SPOPL: variants seen among roughly 807,000 people sequenced by gnomAD.
SPOPL encodes the protein speckle type BTB/POZ protein like.
In SPOPL, 23 loss-of-function variants were observed where a neutral mutation model predicts 53.8. That is an observed-to-expected ratio of 0.43 (90% confidence interval 0.31 to 0.61). The LOEUF (loss-of-function observed/expected upper bound fraction) is 0.61. Ranked by LOEUF, SPOPL falls within the 20% of genes least tolerant of loss-of-function variation. SPOPL has a pLI of 0.12. For missense variants in SPOPL, 442 were observed against 466.9 expected (o/e 0.95, Z 0.49); for synonymous variants, 164 against 149.7 (o/e 1.10, Z -0.70).
At chr2:138,533,768 A>C (rs1684869486) in intron 1 of SPOPL, among the ~76,000 whole-genome samples, 1 of 152,116 alleles carries the variant, frequency 6.6e-6, no homozygotes, top group South Asian at 2.1e-4. Context: ...ATCCTGAAGC[A>C]GTTCAGAGGA....
At chr2:138,509,913 A>G (rs907793454) in intron 1 of SPOPL, among the ~76,000 whole-genome samples, 2 of 152,110 alleles carry the variant, frequency 1.3e-5, no homozygotes, top group Non-Finnish European at 2.9e-5. Flanking sequence ...AGGTCTATTC[A>G]TTCTTCCTTC....
intron 1 of SPOPL, among the ~76,000 whole-genome samples, chr2:138,513,739 CAA>C (rs33913820): frequency 0.14 from 15,859 of 112,628 alleles, 1,054 homozygotes; most frequent in East Asian, 0.29. Context: ...GACCTTACCT[CAA>C]AAAAAAAAAA....
chr2:138,514,598 G>A (rs1684399844), intron 1 of SPOPL, among the ~76,000 whole-genome samples: 1 of 152,100 alleles, frequency 6.6e-6, no homozygotes, highest in Non-Finnish European at 1.5e-5. Context: ...CTGTTTTACT[G>A]TTAATGGACA....
intron 10 of SPOPL, among the ~76,000 whole-genome samples, chr2:138,567,233 A>G (rs1321385552): frequency 1.3e-5 from 2 of 152,174 alleles, no homozygotes; most frequent in African/African-American, 2.4e-5. Flanking sequence ...AACCTAATCT[A>G]GGAATCAGAG....
At position 138,565,140 on chromosome 2, in the gene SPOPL, T is replaced by A. The variant is rs1390062387; in HGVS notation, c.1034+147T>A. On this transcript the variant is annotated intron_variant, in intron 10 of 10. Transcript: ENST00000280098. ...TTATTAAAAACAAACAAAGACTACT[T>A]AGTGGATTCCTGAGGCTATGCTCCC... is the stretch of plus-strand genomic sequence containing the variant. The A allele has an allele frequency of 7.2e-6, 7 of 977,726 alleles. No homozygotes were observed. The African/African-American group carries it at 1.1e-4, about 16-fold the overall frequency. The allele number at this position is 977,726 out of a possible 1,614,324, so 60.6% of individuals were successfully genotyped here.
At chr2:138,561,009 A>T in intron 8 of SPOPL, 82 bp downstream of exon 8, 1 of 1,503,854 alleles carries the variant, frequency 6.6e-7, no homozygotes, top group Non-Finnish European at 9.0e-7. Flanking sequence ...GAAAACTCCA[A>T]ATAACTCGTA....
At chr2:138,562,074 A>G (rs971398510) in intron 8 of SPOPL, among the ~76,000 whole-genome samples, 1 of 152,170 alleles carries the variant, frequency 6.6e-6, no homozygotes, top group Non-Finnish European at 1.5e-5. Flanking sequence ...TTGTCCATGG[A>G]CTGAAAGTCT....
At chr2:138,516,319 A>G (rs1243340445) in intron 1 of SPOPL, among the ~76,000 whole-genome samples, 1 of 152,198 alleles carries the variant, frequency 6.6e-6, no homozygotes, top group Non-Finnish European at 1.5e-5. Context: ...GCATAATGGG[A>G]ATAATGACTT....
At chr2:138,543,149 C>G (rs1160371312) in intron 1 of SPOPL, among the ~76,000 whole-genome samples, 13 of 152,212 alleles carry the variant, frequency 8.5e-5, no homozygotes, top group Non-Finnish European at 1.8e-4. Flanking sequence ...CCTGACCTTT[C>G]TCTCTGGCTG....
intron 5 of SPOPL, among the ~76,000 whole-genome samples, chr2:138,553,633 T>C (rs1452837914): frequency 1.3e-5 from 2 of 152,132 alleles, no homozygotes; most frequent in Non-Finnish European, 2.9e-5. Context: ...GATTACAAAC[T>C]AATTGTATGA....
chr2:138,556,350 A>G (rs1400353222), intron 5 of SPOPL, among the ~76,000 whole-genome samples: 1 of 152,158 alleles, frequency 6.6e-6, no homozygotes, highest in Non-Finnish European at 1.5e-5. Flanking sequence ...TAAATACGTT[A>G]TTTTGAATTT....
At chr2:138,505,066 C>G (rs1302522654) in intron 1 of SPOPL, among the ~76,000 whole-genome samples, 2 of 148,966 alleles carry the variant, frequency 1.3e-5, no homozygotes, top group Non-Finnish European at 1.5e-5. Flanking sequence ...TCACACCTTT[C>G]ACTTCCTTGT....
chr2:138,523,039 G>A (rs1370684830), intron 1 of SPOPL, among the ~76,000 whole-genome samples: 1 of 152,104 alleles, frequency 6.6e-6, no homozygotes, highest in Non-Finnish European at 1.5e-5. Flanking sequence ...AAACTCTATA[G>A]TAAAAGACAA....
intron 1 of SPOPL, among the ~76,000 whole-genome samples, chr2:138,535,320 C>T (rs989900983): frequency 6.6e-6 from 1 of 152,150 alleles, no homozygotes; most frequent in Non-Finnish European, 1.5e-5. Flanking sequence ...ATTTATGTTT[C>T]AGTCATTTGA....
chr2:138,527,952 G>A (rs978278436), intron 1 of SPOPL, among the ~76,000 whole-genome samples: 2 of 152,206 alleles, frequency 1.3e-5, no homozygotes, highest in Non-Finnish European at 2.9e-5. Context: ...GTCAAAGTAA[G>A]GAGGGCTTTA....
chr2:138,559,364 G>A, intron 7 of SPOPL, 27 bp downstream of exon 7: 1 of 1,583,726 alleles, frequency 6.3e-7, no homozygotes, highest in South Asian at 1.1e-5. Flanking sequence ...GGCTAATATT[G>A]AATTTATATA....
chr2:138,556,430 C>T (rs536021706), intron 5 of SPOPL, among the ~76,000 whole-genome samples: 2 of 152,154 alleles, frequency 1.3e-5, no homozygotes, highest in Non-Finnish European at 2.9e-5. Context: ...TGTAACTCTG[C>T]TGTATGTATC....
At chr2:138,509,217 A>G (rs1037377433) in intron 1 of SPOPL, among the ~76,000 whole-genome samples, 2 of 152,192 alleles carry the variant, frequency 1.3e-5, no homozygotes, top group African/African-American at 4.8e-5. Flanking sequence ...GAATATATTT[A>G]GAAAATACTC....
At chr2:138,515,244 G>A (rs1239587384) in intron 1 of SPOPL, among the ~76,000 whole-genome samples, 3 of 152,156 alleles carry the variant, frequency 2.0e-5, no homozygotes, top group African/African-American at 7.2e-5. Context: ...AGTTTTGTAG[G>A]CTTTTTTATT....
Sources: gnomAD v4.1 joint callset for allele counts (sites outside exome capture counted in the v4.1 genomes callset) on GRCh38, gnomAD v4.1.1 for gene constraint, MANE v1.5 for transcripts, NCBI Gene and HGNC (gene_info 2026-07-23, HGNC 2026-07-21) for gene names.